HELZ: variants seen among roughly 807,000 people sequenced by gnomAD.
HELZ encodes ATP-dependent RNA helicase with zinc finger domain.
Under a neutral mutation model 218.2 loss-of-function variants are expected in HELZ, and 23 were observed. The ratio of observed to expected loss-of-function variants is 0.11; its 90% confidence interval spans 0.08 to 0.15. The LOEUF is 0.15. HELZ is among the 10% of genes least tolerant of loss of function. HELZ has a pLI of 1.00. For missense variants in HELZ, 1,813 were observed against 2,353.7 expected (o/e 0.77, Z 4.75); for synonymous variants, 814 against 829.4 (o/e 0.98, Z 0.32).
intron 3 of HELZ, among the ~76,000 whole-genome samples, chr17:67,235,966 T>C (rs1460781670): frequency 6.6e-6 from 1 of 152,020 alleles, no homozygotes; most frequent in Non-Finnish European, 1.5e-5. Flanking sequence ...TTCATCGTGT[T>C]AGCCAGGATG....
At chr17:67,111,389 G>A (rs1004868395) in intron 28 of HELZ, among the ~76,000 whole-genome samples, 6 of 152,116 alleles carry the variant, frequency 3.9e-5, no homozygotes, top group African/African-American at 1.4e-4. Context: ...GCATTACTTG[G>A]AGTGTAAATA....
chr17:67,164,090 A>T (rs1463917702), intron 15 of HELZ, among the ~76,000 whole-genome samples: 2 of 152,204 alleles, frequency 1.3e-5, no homozygotes, highest in African/African-American at 4.8e-5. Context: ...ATTCTTATGA[A>T]CTTAAATGTG....
chr17:67,229,667 G>A (rs2040984902), intron 3 of HELZ, among the ~76,000 whole-genome samples: 1 of 152,118 alleles, frequency 6.6e-6, no homozygotes, highest in Admixed American at 6.5e-5. Context: ...ACCAAATTCA[G>A]TTCTCATTAG....
At chr17:67,144,530 C>T (rs561114914) in intron 21 of HELZ, among the ~76,000 whole-genome samples, 82 of 151,328 alleles carry the variant, frequency 5.4e-4, no homozygotes, top group African/African-American at 2.0e-3. Context: ...GTCCATGAAC[C>T]GGCACCTTAT....
chr17:67,084,384 C>T (rs555163967), intron 32 of HELZ, among the ~76,000 whole-genome samples: 12 of 152,226 alleles, frequency 7.9e-5, no homozygotes, highest in East Asian at 5.8e-4. Context: ...AGAAAGAGGC[C>T]GGGCGCGGTG....
chr17:67,075,319 CATT>C lies in HELZ; in HGVS notation c.*2930_*2932del, dbSNP rs2035989159. 6.6e-6 allele frequency: 1 copy of C among 151,998 alleles called. No individual in the cohort carries two copies. Among genetic ancestry groups the C allele is most frequent in the Non-Finnish European group, 1.5e-5 (1 of 67,962 alleles). 9.4% of individuals were successfully genotyped at this position (151,998 alleles called of 1,614,324 possible). ...TACAAAGGACAAAGATGTAAAAAGA[CATT>C]ATGTGAACAATTAACCTCACTTAGA... On this transcript the variant is annotated 3_prime_UTR_variant, in exon 33 of 33. Coordinates refer to ENST00000358691, the MANE Select transcript of HELZ (RefSeq NM_014877.4).
chr17:67,079,620 A>G (rs1598167548), intron 32 of HELZ, among the ~76,000 whole-genome samples: 2 of 152,322 alleles, frequency 1.3e-5, no homozygotes, highest in South Asian at 2.1e-4. Context: ...GCTTCTGACA[A>G]CTGTGGCCAA....
chr17:67,214,028 A>G (rs956457608), intron 5 of HELZ, among the ~76,000 whole-genome samples: 2 of 152,206 alleles, frequency 1.3e-5, no homozygotes, highest in African/African-American at 4.8e-5. Context: ...CAGCAAACTA[A>G]TAACAATAAC....
At position 67,123,123 on chromosome 17, in the gene HELZ, A is replaced by G. The variant is rs1567819110; in HGVS notation, c.3477T>C (p.Ile1159=). 1.2e-6 allele frequency: 2 copies of G among 1,613,680 alleles called. No homozygotes were observed. The highest frequency in any genetic ancestry group is 1.7e-6 in the Non-Finnish European group (2 of 1,179,644). Residue 1159 remains isoleucine, a synonymous_variant, in exon 26 of 33, where the codon ATT becomes ATC. Coordinates refer to ENST00000358691, the MANE Select transcript of HELZ (RefSeq NM_014877.4). The stretch of plus-strand genomic sequence containing the variant: ...GAGGGGGTGGAGGAGTATATGCTCT[A>G]ATAGGATTGCCAATAAGTACAGAAG... ...PNPSVLIGNP[I]RAYTPPPPLG...
At chr17:67,202,439 TATG>T (rs926947257) in intron 6 of HELZ, among the ~76,000 whole-genome samples, 11 of 152,094 alleles carry the variant, frequency 7.2e-5, no homozygotes, top group African/African-American at 2.7e-4. Context: ...TGTAGCGCAC[TATG>T]ATAACCCCCT....
intron 3 of HELZ, among the ~76,000 whole-genome samples, chr17:67,227,476 C>G (rs1394463720): frequency 6.6e-6 from 1 of 152,108 alleles, no homozygotes; most frequent in East Asian, 1.9e-4. Flanking sequence ...TGTGAGCCAC[C>G]ACACCCAACC....
At position 67,131,896 on chromosome 17, in the gene HELZ, A is replaced by G. The variant is rs556498352; in HGVS notation, c.3183-3041T>C. On this transcript the variant is annotated intron_variant, in intron 23 of 32. Transcript: ENST00000358691. ...ACCTTACCAAACTACTATGCATACA[A>G]TTATGAAGCATTTCTGAATACAGAT... 2.6e-4 allele frequency among the ~76,000 whole-genome samples: 39 copies of G among 152,266 alleles called. No individual in the cohort carries two copies. The South Asian group carries it at 7.3e-3, about 28-fold the overall frequency.
At chr17:67,230,792 C>T (rs1023795538) in intron 3 of HELZ, among the ~76,000 whole-genome samples, 2 of 151,950 alleles carry the variant, frequency 1.3e-5, no homozygotes, top group African/African-American at 4.8e-5. Context: ...CCTTAAAAGC[C>T]ATCTTCAATT....
At chr17:67,152,164 G>C in intron 17 of HELZ, among the ~76,000 whole-genome samples, 1 of 152,178 alleles carries the variant, frequency 6.6e-6, no homozygotes, top group Non-Finnish European at 1.5e-5. Flanking sequence ...GAAGGGGAGA[G>C]GATTCCGGTT....
chr17:67,147,287 G>C, intron 20 of HELZ, among the ~76,000 whole-genome samples: 1 of 152,090 alleles, frequency 6.6e-6, no homozygotes, highest in East Asian at 1.9e-4. Context: ...TATAGATATA[G>C]ATATAGACAT....
At chr17:67,173,412 T>A (rs1345860494) in intron 13 of HELZ, among the ~76,000 whole-genome samples, 1 of 152,302 alleles carries the variant, frequency 6.6e-6, no homozygotes, top group East Asian at 1.9e-4. Context: ...AAAGTTTACA[T>A]AATTCCCTAA....
intron 3 of HELZ, among the ~76,000 whole-genome samples, chr17:67,231,677 G>A (rs905485052): frequency 2.0e-5 from 3 of 151,852 alleles, no homozygotes; most frequent in African/African-American, 4.8e-5. Flanking sequence ...ATTAACAATG[G>A]GGAAAACTGG....
chr17:67,241,760 G>T (rs1598491505), intron 2 of HELZ, among the ~76,000 whole-genome samples: 1 of 152,148 alleles, frequency 6.6e-6, no homozygotes, highest in Non-Finnish European at 1.5e-5. Context: ...CCTAAAAATA[G>T]TGTCCTAGCT....
intron 8 of HELZ, among the ~76,000 whole-genome samples, chr17:67,195,117 G>A (rs2039990432): frequency 6.6e-6 from 1 of 152,106 alleles, no homozygotes; most frequent in Non-Finnish European, 1.5e-5. Context: ...AGAGAGAGAA[G>A]AAAAGTCTTC....
Sources: allele counts gnomAD v4.1 joint callset (sites outside exome capture counted in the v4.1 genomes callset), GRCh38; gene constraint gnomAD v4.1.1; transcripts MANE v1.5; gene names NCBI Gene and HGNC (gene_info 2026-07-23, HGNC 2026-07-21).